Variants in PCSK5 observed in about 807,000 individuals in gnomAD.
PCSK5 encodes prohormone convertase 5.
A neutral mutation model predicts 233.2 loss-of-function variants in PCSK5; 129 were observed. The observed-to-expected ratio is 0.55, with a 90% CI of 0.48 to 0.64. The LOEUF is 0.64. PCSK5 is among the 30% of genes least tolerant of loss of function. PCSK5 has a pLI of 0.00. For synonymous variants in PCSK5, 825 were observed against 879.2 expected (o/e 0.94, Z 1.09); for missense variants, 2,076 against 2,430.1 (o/e 0.85, Z 3.06).
intron 24 of PCSK5, among the ~76,000 whole-genome samples, chr9:76,281,479 C>T (rs578114710): frequency 4.0e-5 from 6 of 151,132 alleles, no homozygotes; most frequent in South Asian, 4.2e-4. Flanking sequence ...TTTAAGCCCA[C>T]GGTGGAGACC....
intron 17 of PCSK5, 87 bp downstream of exon 17, chr9:76,184,844 A>G: frequency 2.6e-6 from 2 of 773,396 alleles, no homozygotes; most frequent in Non-Finnish European, 4.3e-6. Flanking sequence ...ACAAGTAAAT[A>G]AACAGCTCTC....
At chr9:76,092,756 G>A (rs760033575) in intron 7 of PCSK5, among the ~76,000 whole-genome samples, 3 of 152,172 alleles carry the variant, frequency 2.0e-5, no homozygotes, top group Non-Finnish European at 2.9e-5. Flanking sequence ...AGTGCTTGGC[G>A]CATAGAAGGT....
rs561635707 is a variant in PCSK5, at chr9:76,198,596, A to G, written c.2626+8850A>G. Reference sequence around the variant, plus strand: ...CTGGAGAAAAGCAAGTCCACATCACATATGTTGCAAGGCAAGGGGGTAAGA... The same window carrying G: ...CTGGAGAAAAGCAAGTCCACATCACGTATGTTGCAAGGCAAGGGGGTAAGA... On this transcript the variant is annotated intron_variant, in intron 20 of 37. Coordinates refer to ENST00000674117, the MANE Select transcript of PCSK5 (RefSeq NM_001372043.1). Among the ~76,000 whole-genome samples, 263 of 152,288 alleles carry G rather than the reference A, an allele frequency of 1.7e-3. 1 individual carries two copies. Among genetic ancestry groups the G allele is most frequent in the African/African-American group, 5.9e-3 (247 of 41,560 alleles).
At chr9:76,277,475 A>G (rs896955700) in intron 24 of PCSK5, among the ~76,000 whole-genome samples, 1 of 152,166 alleles carries the variant, frequency 6.6e-6, no homozygotes. Context: ...AAGACTAGAG[A>G]CCAATAGAAG....
intron 21 of PCSK5, among the ~76,000 whole-genome samples, chr9:76,229,380 G>A (rs1056620859): frequency 1.3e-5 from 2 of 152,146 alleles, no homozygotes; most frequent in African/African-American, 4.8e-5. Context: ...GCTCCTTAAA[G>A]ACAATTAAAA....
intron 3 of PCSK5, among the ~76,000 whole-genome samples, chr9:76,020,045 T>C (rs4745487): frequency 0.1 from 15,420 of 152,288 alleles, 1,042 homozygotes; most frequent in East Asian, 0.19. Flanking sequence ...AATTTCTGAC[T>C]GGCCCCTTTG....
At chr9:76,262,782 C>G (rs1827218803) in intron 24 of PCSK5, among the ~76,000 whole-genome samples, 1 of 150,592 alleles carries the variant, frequency 6.6e-6, no homozygotes, top group Non-Finnish European at 1.5e-5. Context: ...CAAATGGGAT[C>G]TAATTAAACT....
rs774267758 is a variant in PCSK5 at position 76,026,939 on chromosome 9, GCT to G, written c.556-16_556-15del. 5.1e-6 allele frequency: 8 copies of G among 1,566,598 alleles called. No individual in the cohort carries two copies. Among genetic ancestry groups the G allele is most frequent in the South Asian group, 4.5e-5 (4 of 88,376 alleles). On this transcript the variant is annotated intron_variant, in intron 4 of 37. Coordinates refer to ENST00000674117, the MANE Select transcript of PCSK5 (RefSeq NM_001372043.1). Reference sequence around the variant, plus strand: ...AATGAATGTCCATTTCCTTTCCCTTGCTCTCTCCTCTGTGGCCATAGGATGCT... The same window carrying G: ...AATGAATGTCCATTTCCTTTCCCTTGCTCTCCTCTGTGGCCATAGGATGCT...
At chr9:76,222,936 C>A (rs1825776907) in intron 20 of PCSK5, among the ~76,000 whole-genome samples, 1 of 152,090 alleles carries the variant, frequency 6.6e-6, no homozygotes, top group East Asian at 1.9e-4. Context: ...GGCATCCTTG[C>A]AAAGAGATAA....
At chr9:76,197,481 A>G (rs1824748452) in intron 20 of PCSK5, among the ~76,000 whole-genome samples, 1 of 152,232 alleles carries the variant, frequency 6.6e-6, no homozygotes. Context: ...AAAGTGATCA[A>G]TACTTGCAAC....
chr9:76,070,756 CTCTA>C (rs1830454154), intron 6 of PCSK5, among the ~76,000 whole-genome samples: 1 of 152,138 alleles, frequency 6.6e-6, no homozygotes, highest in African/African-American at 2.4e-5. Flanking sequence ...TTCACATAGT[CTCTA>C]TCTAAACCTG....
At chr9:76,327,358 T>C (rs1829395302) in intron 32 of PCSK5, among the ~76,000 whole-genome samples, 1 of 152,086 alleles carries the variant, frequency 6.6e-6, no homozygotes, top group African/African-American at 2.4e-5. Flanking sequence ...CCATCCACCT[T>C]GGCCTCCCAA....
chr9:76,117,640 A>T (rs1055653139), intron 9 of PCSK5, among the ~76,000 whole-genome samples: 13 of 152,160 alleles, frequency 8.5e-5, no homozygotes, highest in African/African-American at 3.1e-4. Context: ...GAATACCTGA[A>T]TGATCCATAA....
chr9:76,056,535 A>G (rs1829824610), intron 5 of PCSK5, among the ~76,000 whole-genome samples: 1 of 152,174 alleles, frequency 6.6e-6, no homozygotes, highest in Non-Finnish European at 1.5e-5. Context: ...GCACTTTCTC[A>G]TCTGATTTTC....
Position 76,228,733 on chromosome 9 carries a change from G to T in PCSK5, c.2729+1128G>T, listed in dbSNP as rs375629386. 2.6e-4 allele frequency among the ~76,000 whole-genome samples: 39 copies of T among 152,318 alleles called. 1 individual carries two copies. Among genetic ancestry groups the T allele is most frequent in the African/African-American group, 9.1e-4 (38 of 41,566 alleles). ...GCCCTGCCCAACGCAAAGGAAGCAG[G>T]TCTCTTGCAGGCAAGGGTGATGAGG... On this transcript the variant is annotated intron_variant, in intron 21 of 37. Transcript: ENST00000674117.
chr9:76,273,935 A>T (rs913651650), intron 24 of PCSK5, among the ~76,000 whole-genome samples: 1 of 150,028 alleles, frequency 6.7e-6, no homozygotes, highest in Non-Finnish European at 1.5e-5. Context: ...AGCATGAGCC[A>T]CTGTGCCCAG....
intron 12 of PCSK5, among the ~76,000 whole-genome samples, chr9:76,165,947 T>C (rs560342564): frequency 5.3e-5 from 8 of 152,360 alleles, no homozygotes; most frequent in Non-Finnish European, 1.2e-4. Flanking sequence ...GTATGTTCTT[T>C]GCAATGCAAA....
At chr9:76,046,721 C>T (rs977861775) in intron 5 of PCSK5, among the ~76,000 whole-genome samples, 2 of 151,258 alleles carry the variant, frequency 1.3e-5, no homozygotes, top group Non-Finnish European at 2.9e-5. Flanking sequence ...CCACTACTCC[C>T]GGCCAATTTT....
intron 10 of PCSK5, 45 bp from the exon 11 acceptor site, chr9:76,157,000 A>G (rs1822613638): frequency 7.6e-7 from 1 of 1,313,556 alleles, no homozygotes; most frequent in Non-Finnish European, 1.1e-6. Flanking sequence ...TTATAATTTG[A>G]CCTATGTAGC....
Sources: gnomAD v4.1 joint callset for allele counts (sites outside exome capture counted in the v4.1 genomes callset) on GRCh38, gnomAD v4.1.1 for gene constraint, MANE v1.5 for transcripts, NCBI Gene and HGNC (gene_info 2026-07-23, HGNC 2026-07-21) for gene names.